GLI3: variants seen among roughly 807,000 people sequenced by gnomAD.
The protein encoded by GLI3 is transcription activator GLI3.
GLI3 carries 20 observed loss-of-function variants against 100.8 expected under a neutral mutation model. The ratio of observed to expected loss-of-function variants is 0.20; its 90% CI spans 0.14 to 0.29. The LOEUF is 0.29. Ranked by LOEUF, GLI3 falls within the 10% of genes least tolerant of loss-of-function variation. GLI3 has a pLI of 1.00. For missense variants in GLI3, 2,040 were observed against 2,128.5 expected (o/e 0.96, Z 0.82); for synonymous variants, 938 against 860.5 (o/e 1.09, Z -1.58).
intron 3 of GLI3, among the ~76,000 whole-genome samples, chr7:42,100,687 A>G (rs1369521532): frequency 6.6e-6 from 1 of 152,014 alleles, no homozygotes; most frequent in Non-Finnish European, 1.5e-5. Context: ...GGTTTCAGTG[A>G]GCTGAGATTG....
At chr7:42,145,996 C>G (rs1786697178) in intron 3 of GLI3, among the ~76,000 whole-genome samples, 1 of 152,094 alleles carries the variant, frequency 6.6e-6, no homozygotes, top group Non-Finnish European at 1.5e-5. Context: ...GACCTTGAAC[C>G]CAAATTCCCA....
intron 7 of GLI3, among the ~76,000 whole-genome samples, chr7:42,038,330 CT>C (rs1784058744): frequency 6.6e-6 from 1 of 152,202 alleles, no homozygotes; most frequent in Non-Finnish European, 1.5e-5. Context: ...CCCAGCTCAG[CT>C]CCCCCTGAAA....
intron 3 of GLI3, chr7:42,145,469 A>C: frequency 2.5e-6 from 1 of 398,420 alleles, no homozygotes; most frequent in Non-Finnish European, 4.4e-6. Flanking sequence ...CGATCTACTG[A>C]GGTTGACTGA....
In GLI3 at chr7:41,967,584, T is replaced by C. The variant is rs777230588; in HGVS notation, c.2431+12A>G. On this transcript the variant is annotated intron_variant, in intron 14 of 14. Coordinates refer to ENST00000395925, the MANE Select transcript of GLI3 (RefSeq NM_000168.6). ...AACCCTGAGCAGATGCATGGTCTGA[T>C]GTAGAACTCACCATTTCCTATGAGA... 6.3e-7 allele frequency: 1 copy of C among 1,590,206 alleles called. No homozygotes were observed. Among genetic ancestry groups the C allele is most frequent in the East Asian group, 2.2e-5 (1 of 44,716 alleles).
chr7:42,132,074 A>ATTATTTATTTAT (rs57779364), intron 3 of GLI3, among the ~76,000 whole-genome samples: 2,320 of 151,074 alleles, frequency 0.015, 33 homozygotes, highest in Middle Eastern at 0.051. Context: ...TCAGGACTTC[A>ATTATTTATTTAT]TTATTTATTT....
intron 4 of GLI3, among the ~76,000 whole-genome samples, chr7:42,075,354 C>T (rs1259405104): frequency 2.0e-5 from 3 of 152,164 alleles, no homozygotes; most frequent in Non-Finnish European, 4.4e-5. Flanking sequence ...TCCATGTCTC[C>T]GAGGTCTATC....
At position 42,243,695 on chromosome 7, in the gene GLI3, T is replaced by C. The variant is rs181500508; in HGVS notation, c.-43+20299A>G. ...AAGCAAGTTTCTTCTTTCTCTCTACTTTTTTTAAACCAGCTGAGCCCCATG... is the reference window on the plus strand; with the variant it reads ...AAGCAAGTTTCTTCTTTCTCTCTACCTTTTTTAAACCAGCTGAGCCCCATG... On this transcript the variant is annotated intron_variant, in intron 1 of 2. Transcript: ENST00000678978. Among the ~76,000 whole-genome samples the C allele has an allele frequency of 2.0e-5, 3 of 152,310 alleles. No individual in the cohort carries two copies. In the East Asian group the frequency reaches 5.8e-4, roughly 29 times the overall value.
intron 3 of GLI3, among the ~76,000 whole-genome samples, chr7:42,126,207 T>A (rs1175376106): frequency 3.3e-5 from 5 of 152,230 alleles, no homozygotes; most frequent in Admixed American, 6.5e-5. Context: ...TGCCTGTGTT[T>A]CTCTGAAAAG....
At chr7:42,100,983 C>T (rs1192435335) in intron 3 of GLI3, among the ~76,000 whole-genome samples, 2 of 152,162 alleles carry the variant, frequency 1.3e-5, no homozygotes, top group Non-Finnish European at 2.9e-5. Flanking sequence ...TTTGAGCCCC[C>T]AGTCTGTGGT....
At chr7:42,263,451 A>AT (rs61001793) in intron 1 of GLI3, among the ~76,000 whole-genome samples, 48,094 of 109,014 alleles carry the variant, frequency 0.44, 9,051 homozygotes, top group Non-Finnish European at 0.53. Flanking sequence ...TATTTTATTT[A>AT]TTTTTTTTTT....
intron 4 of GLI3, among the ~76,000 whole-genome samples, chr7:42,058,264 G>A (rs1161492736): frequency 1.3e-5 from 2 of 152,162 alleles, no homozygotes; most frequent in Non-Finnish European, 2.9e-5. Context: ...TGGAGAGTAT[G>A]GAAGAAGGGC....
intron 1 of GLI3, among the ~76,000 whole-genome samples, chr7:42,231,419 C>CT (rs1193141826): frequency 1.3e-5 from 2 of 152,208 alleles, no homozygotes; most frequent in Non-Finnish European, 2.9e-5. Flanking sequence ...ACCCTATAAA[C>CT]TTTGCTTGTT....
chr7:42,139,064 G>T (rs547171299), intron 3 of GLI3, among the ~76,000 whole-genome samples: 1 of 152,268 alleles, frequency 6.6e-6, no homozygotes, highest in East Asian at 1.9e-4. Flanking sequence ...ATTTCACTTG[G>T]TTATTTCTGG....
At chr7:42,046,592 G>A (rs774430850) in intron 5 of GLI3, among the ~76,000 whole-genome samples, 3 of 152,164 alleles carry the variant, frequency 2.0e-5, no homozygotes, top group African/African-American at 2.4e-5. Context: ...ATATATACTC[G>A]TCATCAAATG....
intron 4 of GLI3, among the ~76,000 whole-genome samples, chr7:42,059,436 G>C (rs1784524155): frequency 1.3e-5 from 2 of 148,768 alleles, no homozygotes; most frequent in Admixed American, 1.3e-4. Context: ...ATATAAAGTG[G>C]AATTAATAAG....
intron 2 of GLI3, among the ~76,000 whole-genome samples, chr7:42,165,214 G>A (rs1263052867): frequency 6.6e-6 from 1 of 151,608 alleles, no homozygotes; most frequent in Non-Finnish European, 1.5e-5. Flanking sequence ...TCACTATTGA[G>A]TAGGGTGCGC....
chr7:42,121,987 CCCT>C (rs1368957750), intron 3 of GLI3, among the ~76,000 whole-genome samples: 2 of 152,018 alleles, frequency 1.3e-5, no homozygotes, highest in African/African-American at 2.4e-5. Flanking sequence ...GCAGCCAATC[CCCT>C]CTCCCCTTGG....
Position 42,147,039 on chromosome 7 carries a change from T to A in GLI3, c.367+1187A>T, listed in dbSNP as rs116352057. Among the ~76,000 whole-genome samples, 267 of 152,274 alleles carry A rather than the reference T, an allele frequency of 1.8e-3. 1 individual carries two copies. Among genetic ancestry groups the A allele is most frequent in the African/African-American group, 6.2e-3 (258 of 41,566 alleles). ...AACTACCCTCCGTGCTTCTGACCAC[T>A]TTTTAAAAAATGCTCTCTCCACTTA... is the stretch of plus-strand genomic sequence containing the variant. On this transcript the variant is annotated intron_variant, in intron 3 of 14. Transcript: ENST00000395925.
intron 4 of GLI3, among the ~76,000 whole-genome samples, chr7:42,049,345 C>T (rs761673629): frequency 2.0e-5 from 3 of 152,128 alleles, no homozygotes; most frequent in South Asian, 2.1e-4. Flanking sequence ...AGTAAAATGA[C>T]TTTTATGGAT....
Sources: allele counts gnomAD v4.1 joint callset (sites outside exome capture counted in the v4.1 genomes callset), GRCh38; gene constraint gnomAD v4.1.1; transcripts MANE v1.5; gene names NCBI Gene and HGNC (gene_info 2026-07-23, HGNC 2026-07-21).